GTF3C2: variants seen among roughly 807,000 people sequenced by gnomAD.
GTF3C2 encodes general transcription factor 3C polypeptide 2.
A neutral mutation model predicts 117.4 loss-of-function variants in GTF3C2; 17 were observed. That is an observed-to-expected ratio of 0.14 (90% CI 0.10 to 0.22). The LOEUF is 0.22. Among genes scored for constraint, GTF3C2 ranks in the 10% least tolerant of loss-of-function variants. The probability of loss-of-function intolerance (pLI) is 1.00; values close to 1 mark genes in which losing one functional copy is unlikely to be tolerated. For synonymous variants in GTF3C2, 437 were observed against 427.0 expected, an observed-to-expected ratio of 1.02 and a Z score of -0.29; for missense variants, 888 against 1,143.6, an observed-to-expected ratio of 0.78 and a Z score of 3.22.
At chr2:27,337,860 C>T in intron 5 of GTF3C2, 66 bp downstream of exon 5, 1 of 930,498 alleles carries the variant, frequency 1.1e-6, no homozygotes, top group Non-Finnish European at 1.8e-6. Flanking sequence ...GGCCCCACTT[C>T]AATACCGCCC....
At chr2:27,327,596 T>C (rs1178096448) in intron 17 of GTF3C2, among the ~76,000 whole-genome samples, 1 of 150,174 alleles carries the variant, frequency 6.7e-6, no homozygotes, top group Non-Finnish European at 1.5e-5. Context: ...AGTGCTAGGA[T>C]TACAGGTGTG....
chr2:27,326,526 G>A, exon 19 of GTF3C2: 1 of 630,946 alleles, frequency 1.6e-6, no homozygotes, highest in Non-Finnish European at 2.8e-6. Flanking sequence ...TAGAAAGAGT[G>A]GGATCTAAGG....
chr2:27,335,289 A>G, intron 10 of GTF3C2: 1 of 532,612 alleles, frequency 1.9e-6, no homozygotes, highest in Non-Finnish European at 3.7e-6. Flanking sequence ...CCTATCTATC[A>G]GCCCAAGCCC....
intron 17 of GTF3C2, among the ~76,000 whole-genome samples, chr2:27,327,829 T>C (rs536241597): frequency 1.8e-4 from 27 of 152,210 alleles, no homozygotes; most frequent in Non-Finnish European, 3.8e-4. Flanking sequence ...AGTTTCGCCA[T>C]GTTGGCCAGG....
At chr2:27,346,313 C>A (rs369867650) in intron 1 of GTF3C2, among the ~76,000 whole-genome samples, 1 of 142,798 alleles carries the variant, frequency 7.0e-6, no homozygotes, top group African/African-American at 2.6e-5. Context: ...TGTTAGCCAC[C>A]GTGCCCATTC....
At chr2:27,328,279 T>C (rs1680156121) in intron 16 of GTF3C2, 90 bp from the exon 17 acceptor site, 3 of 1,108,922 alleles carry the variant, frequency 2.7e-6, no homozygotes, top group Admixed American at 4.6e-5. Context: ...GGCTTAAAGA[T>C]GGAAAAAAGT....
rs1441564854 is a variant in GTF3C2, at chr2:27,355,292, G to A, written c.-25+1447C>T. Among the ~76,000 whole-genome samples the A allele has an allele frequency of 2.0e-5, 3 of 152,186 alleles. No homozygotes were observed. In the East Asian group the frequency reaches 5.8e-4, roughly 29 times the overall value. Reference sequence around the variant, plus strand: ...AATCCCAGCACTTTAGGAGGCCGAGGTGGGCGGATAACGAGGTCACAAGTT... The same window carrying A: ...AATCCCAGCACTTTAGGAGGCCGAGATGGGCGGATAACGAGGTCACAAGTT... On this transcript the variant is annotated intron_variant, in intron 1 of 18. Transcript: ENST00000264720.
chr2:27,342,186 A>T, exon 4 of GTF3C2: 1 of 1,614,036 alleles, frequency 6.2e-7, no homozygotes, highest in Non-Finnish European at 8.5e-7. Context: ...AGGGGCAGGC[A>T]GGGCTGTTGA....
rs375899425 is a variant in GTF3C2 at position 27,333,517 on chromosome 2, ATT to A, written c.1732+136_1732+137del. On this transcript the variant is annotated intron_variant, in intron 12 of 18. Coordinates refer to ENST00000264720, the Ensembl canonical transcript of GTF3C2. ...ATAGTCTAGTGACTTATTTCTTTCT[ATT>A]TTTTTTTTTTTACATTGCTTGAATA... is the stretch of plus-strand genomic sequence containing the variant. The A allele has an allele frequency of 4.2e-3, 2,090 of 499,216 alleles. 1 individual carries two copies. The highest frequency in any genetic ancestry group is 6.0e-3 in the South Asian group (218 of 36,202). The allele number at this position is 499,216 out of a possible 1,614,324, so 30.9% of individuals were successfully genotyped here.
intron 1 of GTF3C2, among the ~76,000 whole-genome samples, chr2:27,348,524 GACCAGGTA>G (rs1353108237): frequency 6.6e-6 from 1 of 151,972 alleles, no homozygotes; most frequent in African/African-American, 2.4e-5. Flanking sequence ...GAAAGAATAG[GACCAGGTA>G]CAGGCTCATG....
At chr2:27,342,265 C>G (rs200312632) in intron 3 of GTF3C2, 32 bp from the exon 4 acceptor site, 1 of 1,566,568 alleles carries the variant, frequency 6.4e-7, no homozygotes, top group African/African-American at 1.4e-5. Flanking sequence ...GAGCCATTCT[C>G]ACATATGACT....
rs112001928 is a variant in GTF3C2 at position 27,343,587 on chromosome 2, A to G, written c.-24-9T>C. 32,935 of 1,609,064 alleles carry G rather than the reference A, an allele frequency of 0.02. 471 individuals carry two copies. Among genetic ancestry groups the G allele is most frequent in the Middle Eastern group, 0.03 (184 of 6,044 alleles). On this transcript the variant is annotated splice_polypyrimidine_tract_variant and intron_variant, in intron 1 of 18. Transcript: ENST00000264720. ...CCCCAAAATGGCTGCCCCTGCATAC[A>G]GAGACACACAAATGAGTAGAGGACA...
At chr2:27,336,779 T>G (rs1339962930) in intron 7 of GTF3C2, 1 of 239,430 alleles carries the variant, frequency 4.2e-6, no homozygotes, top group East Asian at 1.0e-4. Context: ...CCACTAATTT[T>G]TAAATTCTTT....
At chr2:27,333,863 C>G (rs1572567203) in intron 11 of GTF3C2, 79 bp from the exon 12 acceptor site, 2 of 1,480,724 alleles carry the variant, frequency 1.4e-6, no homozygotes, top group Non-Finnish European at 1.9e-6. Context: ...AGTGCTTAAT[C>G]CAGCAGGATG....
At chr2:27,337,593 G>A in intron 5 of GTF3C2, 35 bp from the exon 6 acceptor site, 2 of 1,370,502 alleles carry the variant, frequency 1.5e-6, no homozygotes, top group South Asian at 1.2e-5. Flanking sequence ...TGAAGGAGAG[G>A]GATTCTACAG....
intron 4 of GTF3C2, among the ~76,000 whole-genome samples, chr2:27,338,591 C>T (rs538990354): frequency 3.9e-5 from 6 of 152,238 alleles, no homozygotes; most frequent in South Asian, 2.1e-4. Context: ...AGTGCAGTGG[C>T]GCAATCTTGG....
At chr2:27,350,837 T>C (rs1332744378) in intron 1 of GTF3C2, among the ~76,000 whole-genome samples, 1 of 150,494 alleles carries the variant, frequency 6.6e-6, no homozygotes, top group Non-Finnish European at 1.5e-5. Flanking sequence ...TAATCCCAGC[T>C]ACTCGGGAGG....
At chr2:27,344,481 A>AAC (rs201075304) in intron 1 of GTF3C2, among the ~76,000 whole-genome samples, 1 of 152,084 alleles carries the variant, frequency 6.6e-6, no homozygotes, top group Non-Finnish European at 1.5e-5. Flanking sequence ...AATGAAATAA[A>AAC]ACACACACAC....
At chr2:27,338,224 A>T in intron 4 of GTF3C2, 1 of 560,848 alleles carries the variant, frequency 1.8e-6, no homozygotes, top group South Asian at 2.1e-5. Context: ...GAAAATGCAA[A>T]ATCTGTTACC....
Sources: allele counts gnomAD v4.1 joint callset (sites outside exome capture counted in the v4.1 genomes callset), GRCh38; gene constraint gnomAD v4.1.1; transcripts MANE v1.5; gene names NCBI Gene and HGNC (gene_info 2026-07-23, HGNC 2026-07-21).